Variants in GALM observed in about 807,000 individuals in gnomAD.
GALM encodes the protein galactose mutarotase, also known as aldose 1-epimerase.
In GALM, 43 loss-of-function variants were observed where a neutral mutation model predicts 37.4. That is an observed-to-expected ratio of 1.15 (90% CI 0.90 to 1.48). The LOEUF (loss-of-function observed/expected upper bound fraction) is 1.48. GALM is among the 40% of genes most tolerant of loss of function. The pLI is 0.00. For missense variants in GALM, 456 were observed against 419.1 expected (o/e 1.09, Z -0.77); for synonymous variants, 199 against 170.6 (o/e 1.17, Z -1.30).
intron 5 of GALM, among the ~76,000 whole-genome samples, chr2:38,731,346 G>A (rs190082262): frequency 2.0e-5 from 3 of 150,002 alleles, no homozygotes; most frequent in Admixed American, 6.7e-5. Flanking sequence ...GCAGTGAGCC[G>A]AGGTCGCGCC....
intron 4 of GALM, among the ~76,000 whole-genome samples, chr2:38,707,718 C>T (rs549178028): frequency 7.9e-5 from 12 of 152,264 alleles, no homozygotes; most frequent in South Asian, 6.2e-4. Flanking sequence ...CAGTGCCTCA[C>T]GCCTATAATC....
At chr2:38,731,526 T>A (rs1666609955) in intron 5 of GALM, among the ~76,000 whole-genome samples, 1 of 151,812 alleles carries the variant, frequency 6.6e-6, no homozygotes, top group Non-Finnish European at 1.5e-5. Flanking sequence ...CCAAAGAAGC[T>A]ACTGAGGATC....
intron 1 of GALM, among the ~76,000 whole-genome samples, chr2:38,674,788 C>G (rs1034882377): frequency 2.6e-5 from 4 of 152,164 alleles, no homozygotes; most frequent in Non-Finnish European, 5.9e-5. Flanking sequence ...TATACAGTCC[C>G]CCTTCAACCA....
chr2:38,689,300 A>C (rs1165861147), intron 3 of GALM, among the ~76,000 whole-genome samples: 1 of 152,174 alleles, frequency 6.6e-6, no homozygotes, highest in Non-Finnish European at 1.5e-5. Context: ...GCAAATTCTC[A>C]AAAGCAGGGA....
chr2:38,674,187 T>A (rs2148425381), intron 1 of GALM, among the ~76,000 whole-genome samples: 1 of 150,730 alleles, frequency 6.6e-6, no homozygotes, highest in East Asian at 2.0e-4. Context: ...ATAAACAGCT[T>A]ATACTTTTTT....
chr2:38,673,609 G>A (rs932900690), intron 1 of GALM, among the ~76,000 whole-genome samples: 3 of 152,080 alleles, frequency 2.0e-5, no homozygotes, highest in Non-Finnish European at 4.4e-5. Flanking sequence ...AGGAGATCGA[G>A]ACCATCCTGG....
intron 4 of GALM, among the ~76,000 whole-genome samples, chr2:38,728,649 C>T (rs771989154): frequency 6.6e-6 from 1 of 152,278 alleles, no homozygotes; most frequent in African/African-American, 2.4e-5. Flanking sequence ...CGCGCCACTG[C>T]GCTCCAGCCT....
intron 4 of GALM, among the ~76,000 whole-genome samples, chr2:38,696,698 C>T (rs1217955812): frequency 1.8e-4 from 27 of 151,616 alleles, no homozygotes; most frequent in Admixed American, 1.7e-3. Context: ...TCTCAAACTC[C>T]CTGCCTCAAG....
At chr2:38,676,348 G>C (rs759502662) in intron 2 of GALM, among the ~76,000 whole-genome samples, 1 of 152,020 alleles carries the variant, frequency 6.6e-6, no homozygotes, top group Non-Finnish European at 1.5e-5. Flanking sequence ...TCAGGGAGTC[G>C]GGTTGAAGAG....
Position 38,675,899 on chromosome 2 carries a change from C to T in GALM, c.191-13C>T, listed in dbSNP as rs1223261948. On this transcript the variant is annotated splice_polypyrimidine_tract_variant and intron_variant, in intron 1 of 6. Transcript: ENST00000272252. ...TGAAGTTTTAAAAGTGCTGTCATCCCTTGTCCTTGCAGGATACCTCCAAAA... is the reference window on the plus strand; with the variant it reads ...TGAAGTTTTAAAAGTGCTGTCATCCTTTGTCCTTGCAGGATACCTCCAAAA... The T allele has an allele frequency of 6.2e-7, 1 of 1,613,620 alleles. No individual in the cohort carries two copies. The highest frequency in any genetic ancestry group is 1.3e-5 in the African/African-American group (1 of 74,844).
chr2:38,705,909 C>G (rs1024481775), intron 4 of GALM, among the ~76,000 whole-genome samples: 5 of 152,106 alleles, frequency 3.3e-5, no homozygotes, highest in African/African-American at 1.2e-4. Context: ...GCAACCTCCC[C>G]CTCCGGGTTC....
intron 4 of GALM, among the ~76,000 whole-genome samples, chr2:38,709,876 C>A (rs11674291): frequency 0.034 from 5,112 of 152,270 alleles, 128 homozygotes; most frequent in Non-Finnish European, 0.051. Flanking sequence ...GTACCTGTGC[C>A]CATGAGCCCC....
At position 38,734,726 on chromosome 2, in the gene GALM, G is replaced by A. The variant is rs1471170292; in HGVS notation, c.*1161G>A. The A allele has an allele frequency of 6.7e-6, 1 of 150,332 alleles. No individual in the cohort carries two copies. Among genetic ancestry groups the A allele is most frequent in the African/African-American group, 2.5e-5 (1 of 40,742 alleles). The allele number at this position is 150,332 out of a possible 1,614,324, so 9.3% of individuals were successfully genotyped here. A position where few individuals can be genotyped will look rare whatever the true frequency, so the allele number is the denominator to read the frequency against. ...AAAAAAGTATGTTATACTAGTGTAT[G>A]CTGTACTGAATTGAAATAAAACCAA... is the stretch of plus-strand genomic sequence containing the variant. On this transcript the variant is annotated 3_prime_UTR_variant, in exon 7 of 7. Coordinates refer to ENST00000272252, the MANE Select transcript of GALM (RefSeq NM_138801.3).
intron 4 of GALM, among the ~76,000 whole-genome samples, chr2:38,726,664 C>T (rs942312196): frequency 2.0e-5 from 3 of 152,084 alleles, no homozygotes; most frequent in Non-Finnish European, 4.4e-5. Flanking sequence ...AATCCCAGCA[C>T]TTTGGGAGGC....
chr2:38,731,811 T>A lies in GALM; in HGVS notation c.853T>A (p.Phe285Ile), dbSNP rs900477685. The A allele has an allele frequency of 1.9e-6, 3 of 1,614,058 alleles. No individual in the cohort carries two copies. Among genetic ancestry groups the A allele is most frequent in the Non-Finnish European group, 1.7e-6 (2 of 1,179,948 alleles). ...QPGVQFYTGN[F>I]LDGTLKGKNG... ...CGGGGTCCAGTTTTACACGGGCAAC[T>A]TCCTGGATGGCACATTAAAGGGCAA... The change falls in exon 6 of 7, where the codon TTC becomes ATC. Residue 285 changes from phenylalanine to isoleucine, a missense_variant. Transcript: ENST00000272252.
Position 38,734,069 on chromosome 2 carries a change from G to C in GALM, c.*504G>C, listed in dbSNP as rs1419675362. 1 of 170,446 alleles carries C rather than the reference G, an allele frequency of 5.9e-6. No individual in the cohort carries two copies. The highest frequency in any genetic ancestry group is 1.3e-5 in the Non-Finnish European group (1 of 78,316). The allele number at this position is 170,446 out of a possible 1,614,324, so 10.6% of individuals were successfully genotyped here. A position where few individuals can be genotyped will look rare whatever the true frequency, so the allele number is the denominator to read the frequency against. On this transcript the variant is annotated 3_prime_UTR_variant, in exon 7 of 7. Transcript: ENST00000272252. ...TAGATGATTGATAAGTGAGGAAACT[G>C]AGGCTTACAGAGGTTGAAGACCAAC...
At position 38,716,462 on chromosome 2, in the gene GALM, T is replaced by G. The variant is rs113343930; in HGVS notation, c.635-13094T>G. On this transcript the variant is annotated intron_variant, in intron 4 of 6. Transcript: ENST00000272252. ...CATGACGGTGCAACTTGTTTTGTGA[T>G]GAATGGCACTATAAGTAGAACATAT... Among the ~76,000 whole-genome samples the G allele has an allele frequency of 7.0e-3, 1,071 of 152,318 alleles. 6 individuals are homozygous for G. Among genetic ancestry groups the G allele is most frequent in the Middle Eastern group, 0.041 (12 of 294 alleles).
chr2:38,720,813 T>G (rs1034413192), intron 4 of GALM, among the ~76,000 whole-genome samples: 4 of 152,192 alleles, frequency 2.6e-5, no homozygotes, highest in Non-Finnish European at 5.9e-5. Flanking sequence ...CCACGTGACT[T>G]GAGCTTCCTT....
At chr2:38,697,261 G>T (rs1665831308) in intron 4 of GALM, among the ~76,000 whole-genome samples, 1 of 152,138 alleles carries the variant, frequency 6.6e-6, no homozygotes, top group African/African-American at 2.4e-5. Flanking sequence ...GCGTGGGTTT[G>T]TCGCAGGTGC....
Sources: gnomAD v4.1 joint callset for allele counts (sites outside exome capture counted in the v4.1 genomes callset) on GRCh38, gnomAD v4.1.1 for gene constraint, MANE v1.5 for transcripts, NCBI Gene and HGNC (gene_info 2026-07-23, HGNC 2026-07-21) for gene names.